TRIO: variants seen among roughly 807,000 people sequenced by gnomAD.
The protein encoded by TRIO is triple functional domain protein.
TRIO carries 58 observed loss-of-function variants against 351.9 expected under a neutral mutation model. That is an observed-to-expected ratio of 0.16 (90% CI 0.13 to 0.21). TRIO has a LOEUF of 0.21. Among genes scored for constraint, TRIO ranks in the 10% least tolerant of loss-of-function variants. TRIO has a pLI of 1.00. For missense variants in TRIO, 3,201 were observed against 4,027.8 expected (o/e 0.79, Z 5.56); for synonymous variants, 1,758 against 1,595.7 (o/e 1.10, Z -2.42).
chr5:14,455,837 GGATCCT>G lies in TRIO; in HGVS notation c.5204-5180_5204-5175del, dbSNP rs549146997. Among the ~76,000 whole-genome samples, 14 of 152,378 alleles carry G rather than the reference GGATCCT, an allele frequency of 9.2e-5. No homozygotes were observed. The South Asian group carries it at 2.7e-3, about 29-fold the overall frequency. ...AGGAGCCCAGCTGGCTTTGCCTAGTGGATCCTGCACCAGGGCCACAGGCGGAGCTGC... is the reference window on the plus strand; with the variant it reads ...AGGAGCCCAGCTGGCTTTGCCTAGTGGCACCAGGGCCACAGGCGGAGCTGC... On this transcript the variant is annotated intron_variant, in intron 34 of 56. Transcript: ENST00000344204.
In TRIO at chr5:14,385,248, C is replaced by T. The variant is rs188343745; in HGVS notation, c.3571-2190C>T. Among the ~76,000 whole-genome samples the T allele has an allele frequency of 1.0e-3, 157 of 152,314 alleles. No homozygotes were observed. In the Middle Eastern group the frequency reaches 0.017, roughly 16 times the overall value. ...GTTCCAGGTCTCACAATGTGTGTTACGGCAGCAGCACTCAGGCACGTGTCT... is the reference window on the plus strand; with the variant it reads ...GTTCCAGGTCTCACAATGTGTGTTATGGCAGCAGCACTCAGGCACGTGTCT... On this transcript the variant is annotated intron_variant, in intron 21 of 56. Coordinates refer to ENST00000344204, the MANE Select transcript of TRIO (RefSeq NM_007118.4).
chr5:14,400,892 T>C lies in TRIO; in HGVS notation c.4615-71T>C, dbSNP rs533209953. 960 of 1,446,326 alleles carry C rather than the reference T, an allele frequency of 6.6e-4. 2 individuals carry two copies. The highest frequency in any genetic ancestry group is 8.4e-4 in the Non-Finnish European group (884 of 1,046,446). The allele number at this position is 1,446,326 out of a possible 1,614,324, so 89.6% of individuals were successfully genotyped here. On this transcript the variant is annotated intron_variant, in intron 30 of 56. Transcript: ENST00000344204. ...TGGCCACAAGTAACCAAAACCTGTT[T>C]CCTTGGTCTCTGTTCTGCATCCTTC...
In TRIO at chr5:14,496,660, T is replaced by C. The variant is rs1756914485; in HGVS notation, c.7881-219T>C. Among the ~76,000 whole-genome samples, 3 of 152,196 alleles carry C rather than the reference T, an allele frequency of 2.0e-5. No homozygotes were observed. The South Asian group carries it at 6.2e-4, about 31-fold the overall frequency. On this transcript the variant is annotated intron_variant, in intron 49 of 56. Transcript: ENST00000344204. ...CATAAAATCAGTTATCACAGGCACC[T>C]TTATATTTTCATCCTCAAACTTTAA...
At chr5:14,382,716 T>C (rs936494664) in intron 21 of TRIO, among the ~76,000 whole-genome samples, 4 of 152,240 alleles carry the variant, frequency 2.6e-5, no homozygotes, top group African/African-American at 9.6e-5. Context: ...ATAATAGTTA[T>C]GCACATTATA....
intron 34 of TRIO, among the ~76,000 whole-genome samples, chr5:14,424,890 G>T (rs1451816039): frequency 2.0e-5 from 3 of 152,150 alleles, no homozygotes; most frequent in East Asian, 1.9e-4. Context: ...TCTCCCAAGG[G>T]TTTTCTTGTC....
intron 28 of TRIO, among the ~76,000 whole-genome samples, chr5:14,396,044 TAAAAAAAAAAAAA>T (rs557922366): frequency 3.1e-5 from 2 of 64,542 alleles, no homozygotes; most frequent in African/African-American, 4.9e-5. Flanking sequence ...AGACTCCGCC[TAAAAAAAAAAAAA>T]AAAAAAAAAA....
chr5:14,443,958 G>T (rs771605013), intron 34 of TRIO, among the ~76,000 whole-genome samples: 6 of 152,194 alleles, frequency 3.9e-5, no homozygotes, highest in Non-Finnish European at 8.8e-5. Context: ...CTATTCCAGT[G>T]CTATACGTAT....
intron 1 of TRIO, among the ~76,000 whole-genome samples, chr5:14,159,077 C>T (rs1006531891): frequency 2.6e-5 from 4 of 152,088 alleles, no homozygotes; most frequent in East Asian, 1.9e-4. Context: ...TGGGTTCTGC[C>T]GGGGGTGGAA....
intron 1 of TRIO, among the ~76,000 whole-genome samples, chr5:14,185,542 A>G (rs1249931850): frequency 2.1e-4 from 32 of 152,204 alleles, no homozygotes; most frequent in Admixed American, 2.1e-3. Flanking sequence ...CCCTGCCTGC[A>G]CTTAGGCAGA....
chr5:14,481,425 C>A, intron 44 of TRIO, 116 bp from the exon 45 acceptor site: 1 of 1,469,266 alleles, frequency 6.8e-7, no homozygotes, highest in Non-Finnish European at 9.5e-7. Flanking sequence ...TCTCCATAAG[C>A]CCTGCACACT....
chr5:14,213,615 G>A (rs1020691522), intron 1 of TRIO, among the ~76,000 whole-genome samples: 2 of 152,188 alleles, frequency 1.3e-5, no homozygotes, highest in African/African-American at 4.8e-5. Flanking sequence ...ATTGATTTGG[G>A]ATGACTTGTT....
intron 1 of TRIO, among the ~76,000 whole-genome samples, chr5:14,149,468 C>A (rs1312815137): frequency 6.6e-6 from 1 of 152,128 alleles, no homozygotes; most frequent in Non-Finnish European, 1.5e-5. Flanking sequence ...TTTTCTGTCC[C>A]CTCTCCACAT....
intron 49 of TRIO, 78 bp downstream of exon 49, chr5:14,492,892 G>T (rs1756595077): frequency 6.4e-7 from 1 of 1,569,876 alleles, no homozygotes; most frequent in Non-Finnish European, 8.6e-7. Context: ...CACGACCTCA[G>T]ACGGGGTAAG....
At chr5:14,474,924 C>T (rs777706225) in intron 40 of TRIO, among the ~76,000 whole-genome samples, 40 of 152,184 alleles carry the variant, frequency 2.6e-4, no homozygotes, top group Non-Finnish European at 4.8e-4. Context: ...GTCTTCCCAC[C>T]TCAGCCTCCC....
chr5:14,351,352 A>G (rs1231157232), intron 11 of TRIO, among the ~76,000 whole-genome samples: 1 of 152,206 alleles, frequency 6.6e-6, no homozygotes, highest in African/African-American at 2.4e-5. Flanking sequence ...TTTTATGTGC[A>G]TAGTGGTTGT....
chr5:14,350,101 T>C (rs889432163), intron 11 of TRIO, among the ~76,000 whole-genome samples: 14 of 152,110 alleles, frequency 9.2e-5, no homozygotes, highest in African/African-American at 3.4e-4. Context: ...GGGAGAGTGT[T>C]GGGAGGAGAG....
chr5:14,302,462 A>G (rs939022459), intron 7 of TRIO, among the ~76,000 whole-genome samples: 2 of 152,212 alleles, frequency 1.3e-5, no homozygotes, highest in African/African-American at 4.8e-5. Flanking sequence ...ATACAGGAAG[A>G]TGATAGAGTG....
intron 7 of TRIO, among the ~76,000 whole-genome samples, chr5:14,303,620 A>G (rs1581574223): frequency 2.0e-5 from 3 of 147,722 alleles, no homozygotes; most frequent in African/African-American, 7.6e-5. Context: ...GGAATTGATG[A>G]TCCTGGAGAT....
At chr5:14,283,414 C>T (rs1360795862) in intron 3 of TRIO, among the ~76,000 whole-genome samples, 3 of 152,190 alleles carry the variant, frequency 2.0e-5, no homozygotes, top group African/African-American at 4.8e-5. Flanking sequence ...ACCTGGGACA[C>T]ATGACTTCAC....
Sources: allele counts gnomAD v4.1 joint callset (sites outside exome capture counted in the v4.1 genomes callset), GRCh38; gene constraint gnomAD v4.1.1; transcripts MANE v1.5; gene names NCBI Gene and HGNC (gene_info 2026-07-23, HGNC 2026-07-21).